The following ACTR10 variants were observed in gnomAD, a reference collection of about 807,000 sequenced individuals.
The protein encoded by ACTR10 is actin-related protein 10.
In ACTR10, 43 loss-of-function variants were observed where a neutral mutation model predicts 56.2. That is an observed-to-expected ratio of 0.77 (90% confidence interval 0.60 to 0.99). The LOEUF (loss-of-function observed/expected upper bound fraction) is 0.99. Among genes scored for constraint, ACTR10 ranks in the 50% least tolerant of loss-of-function variants. ACTR10 has a pLI of 0.00. For synonymous variants in ACTR10, 170 were observed against 176.3 expected, an observed-to-expected ratio of 0.96 and a Z score of 0.28; for missense variants, 466 against 507.8, an observed-to-expected ratio of 0.92 and a Z score of 0.79.
rs1293577393 is a variant in ACTR10 at position 58,235,604 on chromosome 14, CA to C, written c.*1054del. The C allele has an allele frequency of 6.6e-6, 1 of 151,984 alleles. No individual in the cohort carries two copies. The highest frequency in any genetic ancestry group is 1.5e-5 in the Non-Finnish European group (1 of 67,986). 9.4% of individuals were successfully genotyped at this position (151,984 alleles called of 1,614,324 possible). ...TCATTTAACTTTTATTTTATTTTTT[CA>C]TTTGTTTTTAATGAACTACCTCTTG... On this transcript the variant is annotated 3_prime_UTR_variant, in exon 13 of 13. Coordinates refer to ENST00000254286, the MANE Select transcript of ACTR10 (RefSeq NM_018477.3).
chr14:58,222,647 C>A (rs1023945635), intron 8 of ACTR10, among the ~76,000 whole-genome samples: 1 of 151,738 alleles, frequency 6.6e-6, no homozygotes, highest in Non-Finnish European at 1.5e-5. Context: ...TGCCTGTAAT[C>A]CCAGCTACTT....
rs1355381541 is a variant in ACTR10, at chr14:58,208,146, C to T, written c.233+128C>T. On this transcript the variant is annotated intron_variant, in intron 3 of 12. Coordinates refer to ENST00000254286, the MANE Select transcript of ACTR10 (RefSeq NM_018477.3). ...GGACTTCTATTGCCATTTTTACATGCTTATTTTCAACCTTTTCAAAAATAT... is the reference window on the plus strand; with the variant it reads ...GGACTTCTATTGCCATTTTTACATGTTTATTTTCAACCTTTTCAAAAATAT... 6.4e-6 allele frequency: 5 copies of T among 778,400 alleles called. No individual in the cohort carries two copies. In the Admixed American group the frequency reaches 1.9e-4, roughly 29 times the overall value. The allele number at this position is 778,400 out of a possible 1,614,324, so 48.2% of individuals were successfully genotyped here.
intron 8 of ACTR10, among the ~76,000 whole-genome samples, chr14:58,223,199 C>T (rs1037564039): frequency 2.0e-5 from 3 of 151,994 alleles, no homozygotes; most frequent in African/African-American, 2.4e-5. Context: ...TGCAGTGGCG[C>T]GATCTCGGCT....
chr14:58,214,560 G>A (rs540717846), intron 6 of ACTR10, among the ~76,000 whole-genome samples: 1 of 151,458 alleles, frequency 6.6e-6, no homozygotes, highest in South Asian at 2.1e-4. Flanking sequence ...GCATGATCTC[G>A]GCTCACCGCA....
At chr14:58,228,340 G>A (rs1365189945) in intron 10 of ACTR10, among the ~76,000 whole-genome samples, 1 of 152,178 alleles carries the variant, frequency 6.6e-6, no homozygotes, top group African/African-American at 2.4e-5. Flanking sequence ...AACATAGGCC[G>A]GGTGCGGTGG....
intron 5 of ACTR10, among the ~76,000 whole-genome samples, chr14:58,212,073 C>G (rs561056476): frequency 1.3e-5 from 2 of 151,918 alleles, no homozygotes; most frequent in African/African-American, 2.4e-5. Context: ...AAGTGCAATG[C>G]AAATCTCAGC....
At chr14:58,217,674 A>G (rs1299087922) in intron 7 of ACTR10, among the ~76,000 whole-genome samples, 5 of 152,100 alleles carry the variant, frequency 3.3e-5, no homozygotes, top group Non-Finnish European at 7.4e-5. Flanking sequence ...TCAAAAAAAA[A>G]AAAAAAGAAA....
intron 7 of ACTR10, among the ~76,000 whole-genome samples, chr14:58,217,408 CT>C (rs1889157480): frequency 6.6e-6 from 1 of 152,110 alleles, no homozygotes; most frequent in African/African-American, 2.4e-5. Context: ...TGGCTCACGC[CT>C]GTAATCCCAG....
chr14:58,217,431 G>A (rs541848385), intron 7 of ACTR10, among the ~76,000 whole-genome samples: 54 of 152,180 alleles, frequency 3.5e-4, no homozygotes, highest in Admixed American at 2.0e-3. Flanking sequence ...ACTTTGGGAC[G>A]CCAAGGTGAG....
chr14:58,229,635 G>A (rs911913475), intron 10 of ACTR10, among the ~76,000 whole-genome samples: 9 of 146,740 alleles, frequency 6.1e-5, no homozygotes, highest in African/African-American at 1.0e-4. Flanking sequence ...CCGAGATCAC[G>A]CCACTGCACT....
intron 5 of ACTR10, among the ~76,000 whole-genome samples, chr14:58,212,168 A>G (rs982571040): frequency 1.2e-4 from 18 of 152,230 alleles, no homozygotes; most frequent in African/African-American, 4.1e-4. Flanking sequence ...TAATATTTCC[A>G]TCTCATAGAA....
intron 10 of ACTR10, among the ~76,000 whole-genome samples, chr14:58,226,917 C>G (rs568547637): frequency 6.6e-6 from 1 of 152,108 alleles, no homozygotes; most frequent in South Asian, 2.1e-4. Flanking sequence ...TTGTTTCTAC[C>G]AAAAGGTATA....
chr14:58,203,359 A>G (rs1051756540), intron 2 of ACTR10, among the ~76,000 whole-genome samples: 13 of 151,296 alleles, frequency 8.6e-5, no homozygotes, highest in East Asian at 3.9e-4. Flanking sequence ...CTTTGTGGCT[A>G]TATTTCCAAG....
intron 12 of ACTR10, 83 bp downstream of exon 12, chr14:58,232,350 T>C: frequency 1.1e-6 from 1 of 939,050 alleles, no homozygotes; most frequent in Non-Finnish European, 1.5e-6. Flanking sequence ...TTAGAATAAA[T>C]AATTCAGGGT....
At chr14:58,216,746 T>A (rs936187541) in intron 7 of ACTR10, among the ~76,000 whole-genome samples, 4 of 152,206 alleles carry the variant, frequency 2.6e-5, no homozygotes, top group African/African-American at 9.6e-5. Flanking sequence ...TGGAATGTCA[T>A]CTTAATGGTG....
chr14:58,212,084 T>A (rs8020516), intron 5 of ACTR10, among the ~76,000 whole-genome samples: 33,843 of 152,090 alleles, frequency 0.22, 4,154 homozygotes, highest in Middle Eastern at 0.32. Context: ...AAATCTCAGC[T>A]AAGCTTTTTA....
intron 4 of ACTR10, among the ~76,000 whole-genome samples, chr14:58,210,793 G>T (rs1380206484): frequency 1.3e-5 from 2 of 151,492 alleles, no homozygotes; most frequent in African/African-American, 2.4e-5. Context: ...TCCTGCCTCA[G>T]TCTCCCTTGT....
At chr14:58,218,200 G>C (rs981334135) in intron 7 of ACTR10, among the ~76,000 whole-genome samples, 1 of 152,140 alleles carries the variant, frequency 6.6e-6, no homozygotes, top group African/African-American at 2.4e-5. Context: ...TGAAGTTGTG[G>C]AATGCTGTAG....
At chr14:58,202,123 CATAAG>C (rs1470907781) in intron 1 of ACTR10, among the ~76,000 whole-genome samples, 7 of 151,448 alleles carry the variant, frequency 4.6e-5, no homozygotes, top group Admixed American at 3.9e-4. Context: ...TATGCATAAT[CATAAG>C]AAGTAGACTG....
Sources: gnomAD v4.1 joint callset for allele counts (sites outside exome capture counted in the v4.1 genomes callset) on GRCh38, gnomAD v4.1.1 for gene constraint, MANE v1.5 for transcripts, NCBI Gene and HGNC (gene_info 2026-07-23, HGNC 2026-07-21) for gene names.